Variants in SEC31B observed in about 807,000 individuals in gnomAD.
SEC31B encodes the protein protein transport protein Sec31B.
SEC31B carries 113 observed loss-of-function variants against 135.0 expected under a neutral mutation model. The ratio of observed to expected loss-of-function variants is 0.84; its 90% CI spans 0.72 to 0.98. SEC31B has a LOEUF of 0.98. SEC31B is among the 50% of genes least tolerant of loss of function. The pLI, the probability that SEC31B is intolerant of heterozygous loss-of-function variation, is 0.00. For synonymous variants in SEC31B, 508 were observed against 549.4 expected, an observed-to-expected ratio of 0.92 and a Z score of 1.05; for missense variants, 1,296 against 1,421.1, an observed-to-expected ratio of 0.91 and a Z score of 1.42.
chr10:100,487,985 G>A (rs1851214960), intron 25 of SEC31B, 42 bp downstream of exon 25: 2 of 1,591,086 alleles, frequency 1.3e-6, no homozygotes, highest in African/African-American at 1.3e-5. Flanking sequence ...TGGTGATGGT[G>A]GAAGTGTAGG....
In SEC31B at chr10:100,509,123, T is replaced by C. The variant is rs199988601; in HGVS notation, c.400-21A>G. On this transcript the variant is annotated intron_variant, in intron 4 of 25. Coordinates refer to ENST00000370345, the MANE Select transcript of SEC31B (RefSeq NM_015490.4). ...TTGCCCTGTATGAATAAAAAGTGTT[T>C]GGAGACATACCACCCTAGGAAGAAA... 7.7e-5 allele frequency: 124 copies of C among 1,606,414 alleles called. No homozygotes were observed. The African/African-American group carries it at 1.6e-3, about 20-fold the overall frequency.
chr10:100,514,078 G>C (rs1040683063), intron 3 of SEC31B, among the ~76,000 whole-genome samples: 1 of 151,878 alleles, frequency 6.6e-6, no homozygotes, highest in Non-Finnish European at 1.5e-5. Flanking sequence ...CCAGCTACTC[G>C]GGAGGCTGAG....
At chr10:100,500,560 C>G (rs1258385030) in intron 11 of SEC31B, among the ~76,000 whole-genome samples, 1 of 152,030 alleles carries the variant, frequency 6.6e-6, no homozygotes, top group African/African-American at 2.4e-5. Context: ...AGGTGATCCA[C>G]CCACCTCAGC....
chr10:100,494,825 AT>A (rs200276653), intron 19 of SEC31B: 25,283 of 126,864 alleles, frequency 0.2, 1,616 homozygotes, highest in Non-Finnish European at 0.21. Context: ...TACTGTAGCT[AT>A]TTTTTTTTTT....
In SEC31B at chr10:100,509,350, C is replaced by A. The variant is rs759382222; in HGVS notation, c.365G>T (p.Gly122Val). 6.2e-7 allele frequency: 1 copy of A among 1,613,794 alleles called. No individual in the cohort carries two copies. The highest frequency in any genetic ancestry group is 1.7e-5 in the Admixed American group (1 of 59,990). Reference sequence around the variant, plus strand: ...ATTCAAGTCGAGGGCTCTGACAGCCCCCGTGTGCTTCTGTTTCTGAGCAAT... The same window carrying A: ...ATTCAAGTCGAGGGCTCTGACAGCCACCGTGTGCTTCTGTTTCTGAGCAAT... ...PVIAQKQKHT[G>V]AVRALDLNPF... is the part of the protein sequence containing the mutation. The change falls in exon 4 of 26, where the codon GGG (glycine) becomes GTG (valine). Residue 122 changes from glycine (G) to valine (V), a missense_variant. Transcript: ENST00000370345.
chr10:100,499,714 A>T (rs1851481149), intron 11 of SEC31B, 116 bp from the exon 12 acceptor site: 1 of 715,612 alleles, frequency 1.4e-6, no homozygotes, highest in African/African-American at 1.8e-5. Context: ...GTACTACTAG[A>T]AGTGCCCTCA....
At chr10:100,511,824 G>C (rs1851742286) in intron 3 of SEC31B, among the ~76,000 whole-genome samples, 2 of 152,196 alleles carry the variant, frequency 1.3e-5, no homozygotes, top group Admixed American at 1.3e-4. Context: ...GATTAAGGCA[G>C]TACTCCAAGC....
chr10:100,496,583 AC>A (rs1242306897), intron 17 of SEC31B, 152 bp from the exon 18 acceptor site: 1 of 785,732 alleles, frequency 1.3e-6, no homozygotes, highest in African/African-American at 1.7e-5. Flanking sequence ...ACACGTAAGA[AC>A]TGTGACAGAG....
In SEC31B at chr10:100,505,482, A is replaced by G; in HGVS notation, c.1058T>C (p.Phe353Ser). 6.5e-7 allele frequency: 1 copy of G among 1,548,634 alleles called. No homozygotes were observed. The highest frequency in any genetic ancestry group is 8.7e-7 in the Non-Finnish European group (1 of 1,151,948). ...MRQADKISSS[F>S]SKGQPLPPLQ... ...TGGTGGGAGAGGCTGGCCTTTGCTG[A>G]AGGAAGAGGAGATCTGGGGGGAAAA... Residue 353 changes from phenylalanine (F) to serine (S), a missense_variant, in exon 10 of 26, where the codon TTC becomes TCC. Coordinates refer to ENST00000370345, the MANE Select transcript of SEC31B (RefSeq NM_015490.4).
intron 12 of SEC31B, 95 bp from the exon 13 acceptor site, chr10:100,499,353 C>T: frequency 1.8e-6 from 2 of 1,124,756 alleles, no homozygotes; most frequent in Non-Finnish European, 2.6e-6. Flanking sequence ...CAACTGTACT[C>T]TCTAAGATCC....
rs1851659623 is a variant in SEC31B, at chr10:100,507,713, G to A, written c.640-146C>T. ...AGAGTGATGGCCAGGAATAAGTAAG[G>A]AATGGCAGAAGCTTCCAGATCAGCT... is the stretch of plus-strand genomic sequence containing the variant. On this transcript the variant is annotated intron_variant, in intron 6 of 25. Coordinates refer to ENST00000370345, the MANE Select transcript of SEC31B (RefSeq NM_015490.4). 7.0e-6 allele frequency: 9 copies of A among 1,290,360 alleles called. No individual in the cohort carries two copies. The South Asian group carries it at 1.1e-4, about 16-fold the overall frequency. 79.9% of individuals were successfully genotyped at this position (1,290,360 alleles called of 1,614,324 possible).
intron 7 of SEC31B, among the ~76,000 whole-genome samples, chr10:100,506,852 C>T (rs749066466): frequency 1.3e-5 from 2 of 152,194 alleles, no homozygotes; most frequent in Admixed American, 6.5e-5. Flanking sequence ...GTAATCCCAA[C>T]ACTGTGCAAG....
chr10:100,508,853 A>T, intron 5 of SEC31B, 154 bp downstream of exon 5: 1 of 641,266 alleles, frequency 1.6e-6, no homozygotes, highest in Non-Finnish European at 2.8e-6. Flanking sequence ...CCTAACTCTT[A>T]TCTGGCTGGT....
chr10:100,502,193 G>T, intron 11 of SEC31B, 61 bp downstream of exon 11: 1 of 1,299,772 alleles, frequency 7.7e-7, no homozygotes. Context: ...GCAGTTGACA[G>T]AGGTTGGAGT....
chr10:100,514,333 GAT>G (rs1851787442), intron 3 of SEC31B, among the ~76,000 whole-genome samples: 1 of 152,180 alleles, frequency 6.6e-6, no homozygotes, highest in Non-Finnish European at 1.5e-5. Context: ...GCTTGCTGAG[GAT>G]TAGAACTAGT....
rs1851841518 is a variant in SEC31B at position 100,516,226 on chromosome 10, A to T, written c.80-7T>A. 1 of 1,612,584 alleles carries T rather than the reference A, an allele frequency of 6.2e-7. No individual in the cohort carries two copies. The highest frequency in any genetic ancestry group is 1.7e-5 in the Admixed American group (1 of 59,500). ...AGCTGTTGGGCAGATGTTCCTAGGC[A>T]CAAGAAAAGGCAGCATATGAGCAAC... On this transcript the variant is annotated splice_polypyrimidine_tract_variant and splice_region_variant and intron_variant, in intron 2 of 25. Transcript: ENST00000370345.
intron 19 of SEC31B, among the ~76,000 whole-genome samples, chr10:100,492,196 G>C (rs922750234): frequency 6.6e-6 from 1 of 152,056 alleles, no homozygotes; most frequent in African/African-American, 2.4e-5. Flanking sequence ...TCTAAGACTG[G>C]AAACAAGGCA....
intron 5 of SEC31B, chr10:100,508,480 A>C (rs1295173980): frequency 4.3e-6 from 2 of 465,590 alleles, no homozygotes; most frequent in Non-Finnish European, 4.3e-6. Flanking sequence ...CTGTAAGCAC[A>C]GAAGAAAGAG....
intron 3 of SEC31B, among the ~76,000 whole-genome samples, chr10:100,510,651 C>T (rs147302778): frequency 2.8e-4 from 42 of 152,294 alleles, no homozygotes; most frequent in African/African-American, 9.4e-4. Context: ...ATATTCCCTG[C>T]GAACAGTCAG....
Sources: allele counts gnomAD v4.1 joint callset (sites outside exome capture counted in the v4.1 genomes callset), GRCh38; gene constraint gnomAD v4.1.1; transcripts MANE v1.5; gene names NCBI Gene and HGNC (gene_info 2026-07-23, HGNC 2026-07-21).